Variants in FTSJ3 observed in about 807,000 individuals in gnomAD.
FTSJ3 encodes pre-rRNA 2'-O-ribose RNA methyltransferase FTSJ3.
A neutral mutation model predicts 111.5 loss-of-function variants in FTSJ3; 46 were observed. The ratio of observed to expected loss-of-function variants is 0.41; its 90% confidence interval spans 0.33 to 0.53. The LOEUF is 0.53. Among genes scored for constraint, FTSJ3 ranks in the 20% least tolerant of loss-of-function variants. The probability of loss-of-function intolerance (pLI) is 0.19; values close to 1 mark genes in which losing one functional copy is unlikely to be tolerated. For missense variants in FTSJ3, 1,075 were observed against 1,063.8 expected (o/e 1.01, Z -0.15); for synonymous variants, 408 against 383.0 (o/e 1.07, Z -0.76).
intron 13 of FTSJ3, among the ~76,000 whole-genome samples, chr17:63,822,415 TAAG>T (rs2040060299): frequency 6.6e-6 from 1 of 152,128 alleles, no homozygotes; most frequent in African/African-American, 2.4e-5. Flanking sequence ...AAATAGGTCT[TAAG>T]GAAGGTACCT....
At chr17:63,821,691 T>C in intron 15 of FTSJ3, 32 bp downstream of exon 15, 1 of 1,614,072 alleles carries the variant, frequency 6.2e-7, no homozygotes, top group Non-Finnish European at 8.5e-7. Context: ...AAGACTCATC[T>C]CCCCGCAGTC....
At chr17:63,823,586 C>T (rs1352391819) in intron 13 of FTSJ3, 1 of 450,416 alleles carries the variant, frequency 2.2e-6, no homozygotes, top group Non-Finnish European at 3.8e-6. Flanking sequence ...CAGAGCAAGA[C>T]TCCGTCTCAA....
Position 63,819,457 on chromosome 17 carries a change from G to T in FTSJ3, c.*345C>A. On this transcript the variant is annotated 3_prime_UTR_variant, in exon 21 of 21. Transcript: ENST00000427159. ...CTTCCATTATCCTGGTTTTATTCAG[G>T]AATAGGATGGGGGTGGGGAGGGCTT... The T allele has an allele frequency of 4.3e-6, 1 of 232,746 alleles. No homozygotes were observed. The allele number at this position is 232,746 out of a possible 1,614,324, so 14.4% of individuals were successfully genotyped here.
chr17:63,820,059 T>C lies in FTSJ3; in HGVS notation c.2351+20A>G, dbSNP rs1183699450. 3 of 1,613,954 alleles carry C rather than the reference T, an allele frequency of 1.9e-6. No homozygotes were observed. Among genetic ancestry groups the C allele is most frequent in the Admixed American group, 1.7e-5 (1 of 60,000 alleles). ...GCTGCACTTTTAGCCCTGTGTACCT[T>C]TGTGGTGTCCTCCCATTACCTTCGC... On this transcript the variant is annotated intron_variant, in intron 20 of 20. Transcript: ENST00000427159.
Position 63,825,064 on chromosome 17 carries a change from G to A in FTSJ3, c.695C>T (p.Thr232Ile). 1 of 1,614,070 alleles carries A rather than the reference G, an allele frequency of 6.2e-7. No individual in the cohort carries two copies. Among genetic ancestry groups the A allele is most frequent in the East Asian group, 2.2e-5 (1 of 44,884 alleles). ...VQAKTVTELV[T>I]KKKPKAEGYA... ...AAAACACACCTTTGGCTTCTTCTTA[G>A]TAACCAATTCAGTAACGGTCTTAGC... The change falls in exon 8 of 21, where the codon ACT becomes ATT. Residue 232 changes from threonine (T) to isoleucine (I), a missense_variant. Around this residue, in one of 2 missense-constraint regions of FTSJ3, gnomAD observed 867 missense variants for 796.9 expected, o/e 1.09. Transcript: ENST00000427159.
Position 63,827,179 on chromosome 17 carries a change from T to A in FTSJ3, c.-154A>T. ...CGCCATTTTGAGTGTGGCCCTAGAT[T>A]GTTCTCAATACTCTGTCCTTGGGTT... On this transcript the variant is annotated 5_prime_UTR_variant, in exon 1 of 21. Coordinates refer to ENST00000427159, the MANE Select transcript of FTSJ3 (RefSeq NM_017647.4). 1 of 605,864 alleles carries A rather than the reference T, an allele frequency of 1.7e-6. No individual in the cohort carries two copies. The highest frequency in any genetic ancestry group is 2.9e-6 in the Non-Finnish European group (1 of 342,170). The allele number at this position is 605,864 out of a possible 1,614,324, so 37.5% of individuals were successfully genotyped here.
In FTSJ3 at chr17:63,825,521, C is replaced by T. The variant is rs781387248; in HGVS notation, c.400+15G>A. 7.4e-6 allele frequency: 12 copies of T among 1,613,438 alleles called. No homozygotes were observed. The highest frequency in any genetic ancestry group is 1.7e-6 in the Non-Finnish European group (2 of 1,179,468). ...TCCACCATCACCTGATCTCCAAGCA[C>T]CACACTCCCTGTACCTTGTGAGTAA... On this transcript the variant is annotated intron_variant, in intron 6 of 20. Coordinates refer to ENST00000427159, the MANE Select transcript of FTSJ3 (RefSeq NM_017647.4).
rs765828120 is a variant in FTSJ3, at chr17:63,827,469, C to A, written c.-444G>T. The A allele has an allele frequency of 1.3e-6, 2 of 1,551,604 alleles. No individual in the cohort carries two copies. Among genetic ancestry groups the A allele is most frequent in the African/African-American group, 2.7e-5 (2 of 73,068 alleles). On this transcript the variant is annotated 5_prime_UTR_variant, in exon 1 of 21. Coordinates refer to ENST00000427159, the MANE Select transcript of FTSJ3 (RefSeq NM_017647.4). ...CGCGCCAAGACGGCTCGGATGCCGGCGGTCTCTGCTGAAGAGAGAAGATGG... is the reference window on the plus strand; with the variant it reads ...CGCGCCAAGACGGCTCGGATGCCGGAGGTCTCTGCTGAAGAGAGAAGATGG...
chr17:63,821,686 T>G (rs761918123), intron 15 of FTSJ3, 37 bp downstream of exon 15: 1 of 1,613,914 alleles, frequency 6.2e-7, no homozygotes, highest in Non-Finnish European at 8.5e-7. Flanking sequence ...CAAGGAAGAC[T>G]CATCTCCCCG....
Position 63,827,063 on chromosome 17 carries a change from G to A in FTSJ3, c.-38C>T. The A allele has an allele frequency of 1.4e-6, 1 of 690,220 alleles. No homozygotes were observed. The highest frequency in any genetic ancestry group is 2.5e-6 in the Non-Finnish European group (1 of 396,376). 42.8% of individuals were successfully genotyped at this position (690,220 alleles called of 1,614,324 possible). ...TCTCCGCACACTACCTAGACCCAGA[G>A]CCGCTTTCTCCACACTTGGAACCGC... On this transcript the variant is annotated 5_prime_UTR_variant, in exon 1 of 21. Coordinates refer to ENST00000427159, the MANE Select transcript of FTSJ3 (RefSeq NM_017647.4).
Position 63,823,587 on chromosome 17 carries a change from T to A in FTSJ3, c.1290+230A>T. ...TCCAGCCTGGGCAACAGAGCAAGAC[T>A]CCGTCTCAAAAAAAAAAAAAATAAA... is the stretch of plus-strand genomic sequence containing the variant. On this transcript the variant is annotated intron_variant, in intron 13 of 20. Transcript: ENST00000427159. 1.1e-5 allele frequency: 5 copies of A among 446,582 alleles called. No individual in the cohort carries two copies. In the South Asian group the frequency reaches 1.5e-4, roughly 13 times the overall value. 27.7% of individuals were successfully genotyped at this position (446,582 alleles called of 1,614,324 possible). A position where few individuals can be genotyped will look rare whatever the true frequency, so the allele number is the denominator to read the frequency against.
At position 63,824,926 on chromosome 17, in the gene FTSJ3, C is replaced by T. The variant is rs1567753791; in HGVS notation, c.715G>A (p.Glu239Lys). The T allele has an allele frequency of 3.2e-6, 5 of 1,583,064 alleles. No homozygotes were observed. The African/African-American group carries it at 4.0e-5, about 13-fold the overall frequency. ...ELVTKKKPKA[E>K]GYAEGDLTLY... ...GTGAGGTCACCCTCAGCATAGCCTT[C>T]AGCCTTAGGAAGGAAAAGAGAGAAG... The change falls in exon 9 of 21, where the codon GAA (glutamate) becomes AAA (lysine). Residue 239 changes from glutamate (E) to lysine (K), a missense_variant. Coordinates refer to ENST00000427159, the MANE Select transcript of FTSJ3 (RefSeq NM_017647.4).
rs1258582952 is a variant in FTSJ3 at position 63,827,445 on chromosome 17, G to A, written c.-420C>T. 4 of 1,551,600 alleles carry A rather than the reference G, an allele frequency of 2.6e-6. No homozygotes were observed. Among genetic ancestry groups the A allele is most frequent in the Non-Finnish European group, 2.6e-6 (3 of 1,147,008 alleles). ...CCCAATCCTCCGCTTCCGCGCTTGC[G>A]CGCCAAGACGGCTCGGATGCCGGCG... On this transcript the variant is annotated 5_prime_UTR_variant, in exon 1 of 21. Coordinates refer to ENST00000427159, the MANE Select transcript of FTSJ3 (RefSeq NM_017647.4).
chr17:63,827,098 C>A lies in FTSJ3; in HGVS notation c.-73G>T. ...CCACACTTGGAACCGCACAAGTATGCAGCTAACTACTTCCGCTTCCGCTTG... is the reference window on the plus strand; with the variant it reads ...CCACACTTGGAACCGCACAAGTATGAAGCTAACTACTTCCGCTTCCGCTTG... On this transcript the variant is annotated 5_prime_UTR_variant, in exon 1 of 21. Transcript: ENST00000427159. 1.8e-6 allele frequency: 1 copy of A among 541,384 alleles called. No homozygotes were observed. The highest frequency in any genetic ancestry group is 3.1e-6 in the Non-Finnish European group (1 of 326,702). 33.5% of individuals were successfully genotyped at this position (541,384 alleles called of 1,614,324 possible).
Position 63,825,903 on chromosome 17 carries a change from A to G in FTSJ3, c.300+153T>C, listed in dbSNP as rs1444793215. ...ATCCCTGACTCTAAATAAAGCCTGG[A>G]GTGGACACTACGAATGCCATAGGTC... On this transcript the variant is annotated intron_variant, in intron 5 of 20. Transcript: ENST00000427159. The G allele has an allele frequency of 7.3e-6, 5 of 684,410 alleles. No individual in the cohort carries two copies. In the South Asian group the frequency reaches 7.4e-5, roughly 10 times the overall value. 42.4% of individuals were successfully genotyped at this position (684,410 alleles called of 1,614,324 possible).
rs2040031706 is a variant in FTSJ3, at chr17:63,819,993, G to T, written c.2353C>A (p.Leu785Ile). ...EREKVAQLRS[L>I]YKKAGLGKEK... Reference sequence around the variant, plus strand: ...TTGCCAAGCCCAGCCTTCTTGTAGAGACTACAGGGGGGAAGAGAAGAGGTT... The same window carrying T: ...TTGCCAAGCCCAGCCTTCTTGTAGATACTACAGGGGGGAAGAGAAGAGGTT... Residue 785 changes from leucine to isoleucine, a missense_variant and splice_region_variant, in exon 21 of 21, where the codon CTC becomes ATC. Leu to Ile is a conservative substitution (Grantham distance 5). This residue lies in a region of FTSJ3 where 867 missense variants were observed against 796.9 expected (regional missense o/e 1.09). Coordinates refer to ENST00000427159, the MANE Select transcript of FTSJ3 (RefSeq NM_017647.4). 1 of 1,613,928 alleles carries T rather than the reference G, an allele frequency of 6.2e-7. No homozygotes were observed. Among genetic ancestry groups the T allele is most frequent in the African/African-American group, 1.3e-5 (1 of 74,908 alleles).
intron 2 of FTSJ3, 56 bp downstream of exon 2, chr17:63,826,780 G>A (rs2040110032): frequency 3.8e-6 from 6 of 1,589,604 alleles, no homozygotes; most frequent in Admixed American, 1.7e-5. Context: ...GCAAAGAGCA[G>A]GCGAACCGGG....
Position 63,824,430 on chromosome 17 carries a change from T to TA in FTSJ3, c.918-20dup. 10 of 1,612,248 alleles carry TA rather than the reference T, an allele frequency of 6.2e-6. No individual in the cohort carries two copies. The highest frequency in any genetic ancestry group is 8.5e-6 in the Non-Finnish European group (10 of 1,178,294). On this transcript the variant is annotated intron_variant, in intron 10 of 20. Transcript: ENST00000427159. ...TAGCGACCTGCCCCAGAGATACTAT[T>TA]ACTGATCTTGCCATCTCCCTCTTTG...
At chr17:63,825,930 TGTC>T (rs2144610785) in intron 5 of FTSJ3, 123 bp downstream of exon 5, 2 of 773,772 alleles carry the variant, frequency 2.6e-6, no homozygotes, top group African/African-American at 1.7e-5. Flanking sequence ...CCATAGGTCT[TGTC>T]GTACAGATGT....
Sources: gnomAD v4.1 joint callset for allele counts (sites outside exome capture counted in the v4.1 genomes callset) on GRCh38, gnomAD v4.1.1 for gene constraint, gnomAD v4.1.1 regional missense constraint, MANE v1.5 for transcripts, NCBI Gene and HGNC (gene_info 2026-07-23, HGNC 2026-07-21) for gene names.